Variants in LOC400499 observed in about 807,000 individuals in gnomAD.
At chr16:11,488,370 C>G in the LOC400499 span, among the ~76,000 whole-genome samples, 8,538 of 152,110 alleles carry the variant, frequency 0.056, 467 homozygotes, top group East Asian at 0.3. Context: ...TGAAAATATT[C>G]CAAAAATATT....
the LOC400499 span, among the ~76,000 whole-genome samples, chr16:11,436,364 C>G: frequency 1.3e-5 from 2 of 152,072 alleles, no homozygotes; most frequent in Non-Finnish European, 2.9e-5. Context: ...AGTGGTCAGG[C>G]TGGGGTGAAC....
the LOC400499 span, among the ~76,000 whole-genome samples, chr16:11,415,107 C>T: frequency 2.0e-5 from 3 of 152,180 alleles, no homozygotes; most frequent in Non-Finnish European, 4.4e-5. Context: ...CTGCTCCCCA[C>T]AAATGGCCAC....
the LOC400499 span, chr16:11,456,816 A>T: frequency 6.5e-7 from 1 of 1,533,974 alleles, no homozygotes; most frequent in Non-Finnish European, 8.7e-7. Flanking sequence ...GGAGATCAGA[A>T]ACCTGAGCTG....
At chr16:11,469,591 A>G in the LOC400499 span, 1 of 398,914 alleles carries the variant, frequency 2.5e-6, no homozygotes, top group African/African-American at 2.1e-5. Context: ...GTCCACCCCG[A>G]CGTCCCTCAG....
the LOC400499 span, among the ~76,000 whole-genome samples, chr16:11,438,629 A>C: frequency 6.7e-6 from 1 of 149,676 alleles, no homozygotes; most frequent in African/African-American, 2.5e-5. Flanking sequence ...AAAAAAAAAA[A>C]AGTACAAAAA....
the LOC400499 span, among the ~76,000 whole-genome samples, chr16:11,415,720 G>T: frequency 6.6e-6 from 1 of 152,224 alleles, no homozygotes; most frequent in African/African-American, 2.4e-5. Flanking sequence ...GGACAGCAGT[G>T]GGAGAAGGGA....
At chr16:11,414,581 T>G in the LOC400499 span, 1 of 399,278 alleles carries the variant, frequency 2.5e-6, no homozygotes, top group Non-Finnish European at 4.4e-6. Context: ...CACACCAGAC[T>G]ACATGAGAGG....
the LOC400499 span, chr16:11,398,471 C>G: frequency 8.1e-7 from 1 of 1,232,292 alleles, no homozygotes. Context: ...CCAGCGTGGC[C>G]TCCATGATGA....
the LOC400499 span, chr16:11,446,425 T>G: frequency 1.9e-5 from 16 of 859,888 alleles, no homozygotes; most frequent in Non-Finnish European, 2.9e-5. Flanking sequence ...CCTGCGTAGC[T>G]AAGATTACAG....
chr16:11,519,356 T>G, the LOC400499 span, among the ~76,000 whole-genome samples: 1 of 152,068 alleles, frequency 6.6e-6, no homozygotes, highest in Non-Finnish European at 1.5e-5. Flanking sequence ...GTGTGGTGGA[T>G]GAGTGGAGGG....
At chr16:11,454,443 T>C in the LOC400499 span, among the ~76,000 whole-genome samples, 7 of 152,152 alleles carry the variant, frequency 4.6e-5, no homozygotes, top group East Asian at 1.9e-4. Context: ...CTTAACCCAA[T>C]AGAACTGATG....
the LOC400499 span, among the ~76,000 whole-genome samples, chr16:11,500,277 G>A: frequency 9.2e-5 from 14 of 152,032 alleles, no homozygotes; most frequent in African/African-American, 3.4e-4. Flanking sequence ...GGAGGCTGAG[G>A]TGGGTGGATC....
At chr16:11,502,937 T>TTTTTTTTTAA in the LOC400499 span, among the ~76,000 whole-genome samples, 2 of 146,244 alleles carry the variant, frequency 1.4e-5, no homozygotes, top group African/African-American at 5.2e-5. Flanking sequence ...TTTTTTTTTT[T>TTTTTTTTTAA]AAGAGACAGG....
chr16:11,443,539 G>A, the LOC400499 span: 2 of 322,036 alleles, frequency 6.2e-6, no homozygotes, highest in Non-Finnish European at 1.2e-5. Context: ...CACAGTAGAT[G>A]CTCCATAAAT....
chr16:11,408,249 C>G, the LOC400499 span, among the ~76,000 whole-genome samples: 1 of 151,988 alleles, frequency 6.6e-6, no homozygotes, highest in African/African-American at 2.4e-5. Context: ...TCCCAAAGTG[C>G]TGGATTACGG....
At chr16:11,411,609 G>C in the LOC400499 span, among the ~76,000 whole-genome samples, 2 of 152,154 alleles carry the variant, frequency 1.3e-5, no homozygotes, top group Non-Finnish European at 2.9e-5. Context: ...GTCCCTCTCT[G>C]AGCCTCAGCT....
the LOC400499 span, among the ~76,000 whole-genome samples, chr16:11,488,477 T>C: frequency 7.2e-5 from 11 of 152,186 alleles, no homozygotes; most frequent in African/African-American, 2.7e-4. Flanking sequence ...TGGAGTGCAG[T>C]GGTGCAATCA....
At chr16:11,508,275 G>A in the LOC400499 span, among the ~76,000 whole-genome samples, 2 of 152,286 alleles carry the variant, frequency 1.3e-5, no homozygotes, top group Admixed American at 6.5e-5. Flanking sequence ...GATCACCAAC[G>A]AAGGAACTGG....
chr16:11,435,953 A>C, the LOC400499 span: 2 of 398,400 alleles, frequency 5.0e-6, no homozygotes, highest in East Asian at 3.6e-5. Context: ...CTCCTTCTCC[A>C]TGAAGCCCTC....
Sources: allele counts gnomAD v4.1 joint callset (sites outside exome capture counted in the v4.1 genomes callset), GRCh38; gene constraint gnomAD v4.1.1; transcripts MANE v1.5.